Variants in TYW5 observed in about 807,000 individuals in gnomAD.
TYW5 encodes tRNA-yW synthesizing protein 5, also known as tRNA wybutosine-synthesizing protein 5.
A neutral mutation model predicts 44.4 loss-of-function variants in TYW5; 36 were observed. That is an observed-to-expected ratio of 0.81 (90% CI 0.62 to 1.07). The LOEUF is 1.07. Among genes scored for constraint, TYW5 ranks in the 50% least tolerant of loss-of-function variants. TYW5 has a pLI of 0.00. For missense variants in TYW5, 354 were observed against 365.7 expected (o/e 0.97, Z 0.26); for synonymous variants, 121 against 128.1 (o/e 0.94, Z 0.37).
At chr2:199,954,120 T>C (rs1359790828) in intron 1 of TYW5, among the ~76,000 whole-genome samples, 2 of 138,368 alleles carry the variant, frequency 1.4e-5, no homozygotes, top group Non-Finnish European at 3.1e-5. Flanking sequence ...TTTTTTTTTT[T>C]AAGCTAGGGT....
In TYW5 at chr2:199,943,755, A is replaced by G; in HGVS notation, c.303+10T>C. ...TAATGCCTTCTTTTAAAAATGTTAA[A>G]AGCAATTACCTCTGAAACAAAGAAT... On this transcript the variant is annotated intron_variant, in intron 3 of 7. Transcript: ENST00000354611. 6.2e-7 allele frequency: 1 copy of G among 1,602,046 alleles called. No homozygotes were observed. Among genetic ancestry groups the G allele is most frequent in the Admixed American group, 1.8e-5 (1 of 56,608 alleles).
At chr2:199,938,718 G>A (rs907390213) in intron 5 of TYW5, among the ~76,000 whole-genome samples, 1 of 152,180 alleles carries the variant, frequency 6.6e-6, no homozygotes, top group Non-Finnish European at 1.5e-5. Flanking sequence ...TAGGACCACA[G>A]GGAAATACAA....
rs777916996 is a variant in TYW5 at position 199,938,994 on chromosome 2, T to C, written c.425A>G (p.Gln142Arg). The C allele has an allele frequency of 1.2e-6, 2 of 1,613,768 alleles. No homozygotes were observed. The highest frequency in any genetic ancestry group is 1.7e-6 in the Non-Finnish European group (2 of 1,179,846). ...IKFPEFFKEE[Q>R]FFSSVFRISS... is the part of the protein sequence containing the mutation. Reference sequence around the variant, plus strand: ...AATTCGAAAAACACTGGAAAAGAACTGTTCCTCTTTGAAGAATTCTGGAAA... The same window carrying C: ...AATTCGAAAAACACTGGAAAAGAACCGTTCCTCTTTGAAGAATTCTGGAAA... The change falls in exon 5 of 8, where the codon CAG becomes CGG. Residue 142 changes from glutamine (Q) to arginine (R), a missense_variant. Coordinates refer to ENST00000354611, the MANE Select transcript of TYW5 (RefSeq NM_001039693.3).
intron 1 of TYW5, among the ~76,000 whole-genome samples, chr2:199,952,751 C>T (rs1372717538): frequency 6.6e-6 from 1 of 152,114 alleles, no homozygotes; most frequent in African/African-American, 2.4e-5. Flanking sequence ...GGGAATTTAC[C>T]CATATTTTCT....
rs1296037987 is a variant in TYW5, at chr2:199,935,931, C to A, written c.691G>T (p.Ala231Ser). ...LEAGDVLFIP[A>S]LWFHNVISEE... is the part of the protein sequence containing the mutation. ...CATTAGTGAGGTCTAGAAATCTTACCAGGAATGAATAATACATCACCAGCT... is the reference window on the plus strand; with the variant it reads ...CATTAGTGAGGTCTAGAAATCTTACAAGGAATGAATAATACATCACCAGCT... The change falls in exon 7 of 8, where the codon GCT becomes TCT. Residue 231 changes from alanine (A) to serine (S), a missense_variant and splice_region_variant. By Grantham distance (99) the Ala-to-Ser change is moderately conservative. Coordinates refer to ENST00000354611, the MANE Select transcript of TYW5 (RefSeq NM_001039693.3). 6.3e-7 allele frequency: 1 copy of A among 1,591,738 alleles called. No individual in the cohort carries two copies. Among genetic ancestry groups the A allele is most frequent in the East Asian group, 2.2e-5 (1 of 44,578 alleles).
At chr2:199,945,520 CA>C (rs1482251077) in intron 2 of TYW5, 1 of 152,214 alleles carries the variant, frequency 6.6e-6, no homozygotes, top group African/African-American at 2.4e-5. Context: ...CTAATATCAA[CA>C]AATTTACTTG....
In TYW5 at chr2:199,936,007, C is replaced by G; in HGVS notation, c.615G>C (p.Leu205Phe). 6.2e-7 allele frequency: 1 copy of G among 1,612,868 alleles called. No individual in the cohort carries two copies. The highest frequency in any genetic ancestry group is 8.5e-7 in the Non-Finnish European group (1 of 1,179,250). ...SEVLNIDNPD[L>F]AKYPLFSKAR... Reference sequence around the variant, plus strand: ...CCTTGGAAAAAAGTGGATATTTAGCCAAGTCTGGGTTATCTATATTCAGTA... The same window carrying G: ...CCTTGGAAAAAAGTGGATATTTAGCGAAGTCTGGGTTATCTATATTCAGTA... The change falls in exon 7 of 8, where the codon TTG becomes TTC. Residue 205 changes from leucine to phenylalanine, a missense_variant. Physicochemically the swap from Leu to Phe is conservative, Grantham distance 22. Coordinates refer to ENST00000354611, the MANE Select transcript of TYW5 (RefSeq NM_001039693.3).
At chr2:199,950,671 C>T (rs576019933) in intron 1 of TYW5, among the ~76,000 whole-genome samples, 36 of 152,164 alleles carry the variant, frequency 2.4e-4, no homozygotes, top group Non-Finnish European at 4.7e-4. Flanking sequence ...TGTATGTGCA[C>T]GTGCGCGTGC....
rs929759659 is a variant in TYW5 at position 199,929,154 on chromosome 2, C to A, written c.*3913G>T. Reference sequence around the variant, plus strand: ...CACCAAAAAAGGTCATTTTAGTATTCTGTTTAATGGAACTTAGAAAGAGAC... The same window carrying A: ...CACCAAAAAAGGTCATTTTAGTATTATGTTTAATGGAACTTAGAAAGAGAC... On this transcript the variant is annotated 3_prime_UTR_variant, in exon 8 of 8. Transcript: ENST00000354611. 6.9e-6 allele frequency among the ~76,000 whole-genome samples: 1 copy of A among 145,872 alleles called. No individual in the cohort carries two copies. Among genetic ancestry groups the A allele is most frequent in the African/African-American group, 2.5e-5 (1 of 39,952 alleles).
rs959864467 is a variant in TYW5, at chr2:199,931,876, T to A, written c.*1191A>T. On this transcript the variant is annotated 3_prime_UTR_variant, in exon 8 of 8. Coordinates refer to ENST00000354611, the MANE Select transcript of TYW5 (RefSeq NM_001039693.3). The stretch of plus-strand genomic sequence containing the variant: ...ACTAGGTACAAAACAAAAGCAGAGA[T>A]CCACACACAATGGCTCACTGTCTTC... 7 of 152,122 alleles carry A rather than the reference T, an allele frequency of 4.6e-5. No individual in the cohort carries two copies. The highest frequency in any genetic ancestry group is 1.7e-4 in the African/African-American group (7 of 41,426). 9.4% of individuals were successfully genotyped at this position (152,122 alleles called of 1,614,324 possible). A position where few individuals can be genotyped will look rare whatever the true frequency, so the allele number is the denominator to read the frequency against.
At chr2:199,938,521 C>G (rs1251835404) in intron 5 of TYW5, among the ~76,000 whole-genome samples, 2 of 152,118 alleles carry the variant, frequency 1.3e-5, no homozygotes, top group African/African-American at 4.8e-5. Context: ...AATAACATAA[C>G]TTTGCATGAC....
Position 199,933,316 on chromosome 2 carries a change from C to T in TYW5, c.699G>A (p.Trp233Ter), listed in dbSNP as rs757812759. 1 of 1,593,972 alleles carries T rather than the reference C, an allele frequency of 6.3e-7. No individual in the cohort carries two copies. Among genetic ancestry groups the T allele is most frequent in the Non-Finnish European group, 8.5e-7 (1 of 1,173,082 alleles). ...ACTCTTCAGAAATTACATTATGGAACCATAAAGCTGGAGAAAGTTTAAAAA... is the reference window on the plus strand; with the variant it reads ...ACTCTTCAGAAATTACATTATGGAATCATAAAGCTGGAGAAAGTTTAAAAA... ...AGDVLFIPAL[W>*]FHNVISEEFG... The change falls in exon 8 of 8, where the codon TGG becomes TGA. Residue 233 changes from tryptophan (W) to a stop codon, truncating the protein, a stop_gained. Coordinates refer to ENST00000354611, the MANE Select transcript of TYW5 (RefSeq NM_001039693.3). LOFTEE classifies it high-confidence loss of function.
intron 1 of TYW5, among the ~76,000 whole-genome samples, chr2:199,952,222 G>T (rs946441474): frequency 1.3e-5 from 2 of 152,008 alleles, no homozygotes; most frequent in African/African-American, 4.8e-5. Context: ...ATTTTTGGAG[G>T]TATATCTCCA....
intron 1 of TYW5, among the ~76,000 whole-genome samples, chr2:199,951,007 A>G (rs966306593): frequency 1.2e-4 from 19 of 152,344 alleles, no homozygotes; most frequent in South Asian, 4.2e-4. Context: ...CCACTGTCAC[A>G]TAACAATTCA....
chr2:199,932,285 G>A lies in TYW5; in HGVS notation c.*782C>T, dbSNP rs1029968264. On this transcript the variant is annotated 3_prime_UTR_variant, in exon 8 of 8. Coordinates refer to ENST00000354611, the MANE Select transcript of TYW5 (RefSeq NM_001039693.3). ...CCTAGGTATCTGTACATTTTTTAAA[G>A]TTCCTCAAAAAATTCTGCTTCTAGG... is the stretch of plus-strand genomic sequence containing the variant. The A allele has an allele frequency of 2.6e-5, 4 of 152,124 alleles. No homozygotes were observed. The highest frequency in any genetic ancestry group is 6.6e-5 in the Admixed American group (1 of 15,264). The allele number at this position is 152,124 out of a possible 1,614,324, so 9.4% of individuals were successfully genotyped here. A position where few individuals can be genotyped will look rare whatever the true frequency, so the allele number is the denominator to read the frequency against.
chr2:199,951,347 T>C (rs1295816451), intron 1 of TYW5, among the ~76,000 whole-genome samples: 1 of 152,232 alleles, frequency 6.6e-6, no homozygotes, highest in East Asian at 1.9e-4. Flanking sequence ...AATTAAAGTA[T>C]TGTGTTTAAA....
rs1574786012 is a variant in TYW5 at position 199,928,947 on chromosome 2, G to A, written c.*4120C>T. 2.0e-5 allele frequency among the ~76,000 whole-genome samples: 3 copies of A among 152,272 alleles called. No homozygotes were observed. The South Asian group carries it at 6.2e-4, about 32-fold the overall frequency. ...AAATGTTTAATACATTAAATCTTAT[G>A]AGGTAAAATACAAAAGGTAGTATTC... On this transcript the variant is annotated 3_prime_UTR_variant, in exon 8 of 8. Transcript: ENST00000354611.
intron 2 of TYW5, chr2:199,945,664 G>A (rs1276924251): frequency 4.6e-5 from 7 of 152,172 alleles, no homozygotes; most frequent in African/African-American, 7.2e-5. Flanking sequence ...AGCCACTACT[G>A]TAATTGCTGC....
chr2:199,941,716 T>G (rs895250890), intron 3 of TYW5, among the ~76,000 whole-genome samples: 2 of 152,216 alleles, frequency 1.3e-5, no homozygotes, highest in East Asian at 3.9e-4. Flanking sequence ...GACACAGAAG[T>G]GCACTGCTCA....
Sources: allele counts gnomAD v4.1 joint callset (sites outside exome capture counted in the v4.1 genomes callset), GRCh38; gene constraint gnomAD v4.1.1; transcripts MANE v1.5; gene names NCBI Gene and HGNC (gene_info 2026-07-23, HGNC 2026-07-21).